The following DFFA variants were observed in gnomAD, a reference collection of about 807,000 sequenced individuals.
DFFA encodes DNA fragmentation factor subunit alpha.
Under a neutral mutation model 28.0 loss-of-function variants are expected in DFFA, and 14 were observed. The ratio of observed to expected loss-of-function variants is 0.50; its 90% confidence interval spans 0.33 to 0.78. The LOEUF (loss-of-function observed/expected upper bound fraction) is 0.78, where lower values mean the gene tolerates loss of function less well. Ranked by LOEUF, DFFA falls within the 30% of genes least tolerant of loss-of-function variation. DFFA has a pLI of 0.02. For missense variants in DFFA, 395 were observed against 407.1 expected (o/e 0.97, Z 0.26); for synonymous variants, 158 against 170.3 (o/e 0.93, Z 0.56).
At chr1:10,470,294 G>GTTTA (rs1196073481) in intron 1 of DFFA, among the ~76,000 whole-genome samples, 3 of 151,946 alleles carry the variant, frequency 2.0e-5, no homozygotes, top group South Asian at 4.2e-4. Flanking sequence ...CTGAAAGTAT[G>GTTTA]TTTACTCCAG....
rs569074978 is a variant in DFFA, at chr1:10,465,689, C to T, written c.441+1501G>A. ...TATAGGTGTGAGCCACCACGCCTGGCTTTATTTATTTATTTATTTATTTTT... is the reference window on the plus strand; with the variant it reads ...TATAGGTGTGAGCCACCACGCCTGGTTTTATTTATTTATTTATTTATTTTT... On this transcript the variant is annotated intron_variant, in intron 3 of 5. Coordinates refer to ENST00000377038, the MANE Select transcript of DFFA (RefSeq NM_004401.3). 2.0e-5 allele frequency among the ~76,000 whole-genome samples: 3 copies of T among 152,094 alleles called. No individual in the cohort carries two copies. The East Asian group carries it at 5.8e-4, about 29-fold the overall frequency.
chr1:10,470,156 G>A (rs1162864176), intron 1 of DFFA, among the ~76,000 whole-genome samples: 1 of 152,080 alleles, frequency 6.6e-6, no homozygotes, highest in Admixed American at 6.6e-5. Context: ...TAATAATCCT[G>A]TAAAGTAGGT....
At chr1:10,466,344 C>T (rs920403075) in intron 3 of DFFA, among the ~76,000 whole-genome samples, 4 of 152,032 alleles carry the variant, frequency 2.6e-5, no homozygotes, top group Non-Finnish European at 5.9e-5. Flanking sequence ...TGCACACCAC[C>T]AGGCCCGGCT....
rs766637969 is a variant in DFFA, at chr1:10,463,167, G to A, written c.674C>T (p.Thr225Met). The A allele has an allele frequency of 2.5e-5, 40 of 1,614,014 alleles. No homozygotes were observed. The highest frequency in any genetic ancestry group is 3.0e-5 in the Non-Finnish European group (35 of 1,180,034). ...CGAGGAGGTCTCTCTGCTGATACCC[G>A]TGTCTACTGCATCCACCTCCTCACC... ...AFGEEVDAVDTGISRETSSDV... is the reference protein window; with the variant it reads ...AFGEEVDAVDMGISRETSSDV... The change falls in exon 5 of 6, where the codon ACG becomes ATG. Residue 225 changes from threonine (T) to methionine (M), a missense_variant. Transcript: ENST00000377038.
At position 10,461,755 on chromosome 1, in the gene DFFA, G is replaced by A. The variant is rs1640944965; in HGVS notation, c.784-53C>T. The A allele has an allele frequency of 1.9e-6, 3 of 1,602,342 alleles. No individual in the cohort carries two copies. The Admixed American group carries it at 5.1e-5, about 27-fold the overall frequency. On this transcript the variant is annotated intron_variant, in intron 5 of 5. Coordinates refer to ENST00000377038, the MANE Select transcript of DFFA (RefSeq NM_004401.3). ...ACTGGGCCTTCTGTGCGCCTCTCCT[G>A]CTGCTCTCCTGACTCTCTTTTGGGG...
intron 4 of DFFA, 41 bp from the exon 5 acceptor site, chr1:10,463,250 C>A: frequency 1.3e-6 from 2 of 1,598,920 alleles, no homozygotes; most frequent in Non-Finnish European, 1.7e-6. Flanking sequence ...CGTGGTGTGA[C>A]CACACAGCCA....
At chr1:10,462,197 C>A (rs542430379) in intron 5 of DFFA, among the ~76,000 whole-genome samples, 9 of 152,196 alleles carry the variant, frequency 5.9e-5, no homozygotes, top group African/African-American at 1.9e-4. Flanking sequence ...ACTCTTGTCG[C>A]CCAGGCTGGA....
intron 2 of DFFA, 148 bp downstream of exon 2, chr1:10,469,029 C>T (rs1641057848): frequency 2.1e-5 from 17 of 824,782 alleles, no homozygotes; most frequent in Non-Finnish European, 2.7e-5. Context: ...GACTCAGCAC[C>T]ATGTCTGGCA....
rs181774839 is a variant in DFFA at position 10,467,242 on chromosome 1, T to G, written c.389A>C (p.Gln130Pro). The G allele has an allele frequency of 5.6e-6, 9 of 1,614,160 alleles. No homozygotes were observed. Among genetic ancestry groups the G allele is most frequent in the Admixed American group, 5.0e-5 (3 of 60,020 alleles). ...GATGCTGGACAGATCTTCTTTCAGCTGCCTGGCCACATTCTTCCACTTCAA... is the reference window on the plus strand; with the variant it reads ...GATGCTGGACAGATCTTCTTTCAGCGGCCTGGCCACATTCTTCCACTTCAA... ...AGLKWKNVAR[Q>P]LKEDLSSIIL... is the part of the protein sequence containing the mutation. The change falls in exon 3 of 6, where the codon CAG becomes CCG. Residue 130 changes from glutamine to proline, a missense_variant. Coordinates refer to ENST00000377038, the MANE Select transcript of DFFA (RefSeq NM_004401.3).
Position 10,469,172 on chromosome 1 carries a change from C to T in DFFA, c.298+5G>A, listed in dbSNP as rs1641060510. On this transcript the variant is annotated splice_donor_5th_base_variant and intron_variant, in intron 2 of 5. Transcript: ENST00000377038. ...GCCGTTTTATACATGGCTAGAGTTT[C>T]TTACCTGAATTGTTGTATGCCCATT... is the stretch of plus-strand genomic sequence containing the variant. The T allele has an allele frequency of 1.2e-6, 2 of 1,613,966 alleles. No individual in the cohort carries two copies. The highest frequency in any genetic ancestry group is 1.7e-6 in the Non-Finnish European group (2 of 1,179,908).
At chr1:10,469,998 T>A (rs1641074105) in intron 1 of DFFA, among the ~76,000 whole-genome samples, 1 of 151,944 alleles carries the variant, frequency 6.6e-6, no homozygotes, top group Non-Finnish European at 1.5e-5. Flanking sequence ...GTATTTTTAG[T>A]AGAGACGGGG....
At position 10,461,112 on chromosome 1, in the gene DFFA, A is replaced by G. The variant is rs566113039; in HGVS notation, c.*378T>C. On this transcript the variant is annotated 3_prime_UTR_variant, in exon 6 of 6. Transcript: ENST00000377038. ...TTTTTAGTAGAGACAGGGTTTCACC[A>G]TGTTAGCCAGGATGGTCTCGATCTC... 1.3e-3 allele frequency: 207 copies of G among 154,974 alleles called. No individual in the cohort carries two copies. Among genetic ancestry groups the G allele is most frequent in the Middle Eastern group, 4.5e-3 (1 of 222 alleles). 9.6% of individuals were successfully genotyped at this position (154,974 alleles called of 1,614,324 possible).
At chr1:10,467,121 C>CT in intron 3 of DFFA, 69 bp downstream of exon 3, 1 of 1,578,098 alleles carries the variant, frequency 6.3e-7, no homozygotes, top group South Asian at 1.1e-5. Context: ...AGTATGGAAG[C>CT]TAAGAAGGTG....
chr1:10,467,470 G>A (rs1330821559), intron 2 of DFFA, 138 bp from the exon 3 acceptor site: 2 of 960,084 alleles, frequency 2.1e-6, no homozygotes, highest in African/African-American at 3.2e-5. Flanking sequence ...GGATTCACAG[G>A]AGGGTCAATA....
At chr1:10,471,805 G>C (rs1450401848) in intron 1 of DFFA, among the ~76,000 whole-genome samples, 1 of 152,218 alleles carries the variant, frequency 6.6e-6, no homozygotes, top group Admixed American at 6.5e-5. Context: ...AGGCCAAGCA[G>C]CTGGTAAAGG....
At chr1:10,463,782 A>G (rs891642288) in intron 3 of DFFA, among the ~76,000 whole-genome samples, 162 bp from the exon 4 acceptor site, 4 of 151,236 alleles carry the variant, frequency 2.6e-5, no homozygotes, top group African/African-American at 9.7e-5. Flanking sequence ...TTCCTGCCTC[A>G]GCCTCCCTAG....
In DFFA at chr1:10,462,150, G is replaced by A. The variant is rs184879957; in HGVS notation, c.784-448C>T. On this transcript the variant is annotated intron_variant, in intron 5 of 5. Transcript: ENST00000377038. ...TGGGATTACAGGCGTGAGCCACCGC[G>A]CCCAGCCTGCCATGGGCTTTTTTAA... is the stretch of plus-strand genomic sequence containing the variant. Among the ~76,000 whole-genome samples the A allele has an allele frequency of 4.2e-3, 630 of 151,490 alleles. 9 individuals carry two copies. The East Asian group carries it at 0.081, about 19-fold the overall frequency.
At position 10,461,544 on chromosome 1, in the gene DFFA, G is replaced by C; in HGVS notation, c.942C>G (p.Ala314=). Reference sequence around the variant, plus strand: ...GATTCTGCAGGTCACCAGGTGGTGAGGCCTTGCTTGCTGAGATGCTCCGGA... The same window carrying C: ...GATTCTGCAGGTCACCAGGTGGTGACGCCTTGCTTGCTGAGATGCTCCGGA... ...HSLRSISASK[A]SPPGDLQNPK... The change falls in exon 6 of 6, where the codon GCC becomes GCG. Residue 314 remains alanine (A), a synonymous_variant. Transcript: ENST00000377038. The C allele has an allele frequency of 6.2e-7, 1 of 1,614,102 alleles. No individual in the cohort carries two copies. The highest frequency in any genetic ancestry group is 8.5e-7 in the Non-Finnish European group (1 of 1,180,000).
In DFFA at chr1:10,458,555, T is replaced by TTTAA. The variant is rs1553179466; in HGVS notation, c.*2934_*2935insTTAA. ...TGTGATTTTCTTTTTTTTTTTTTTT[T>TTTAA]AAAGACAGAGTCTCATTCTGTCACC... On this transcript the variant is annotated 3_prime_UTR_variant, in exon 6 of 6. Transcript: ENST00000377038. The TTTAA allele has an allele frequency of 6.7e-6, 1 of 150,162 alleles. No individual in the cohort carries two copies. Among genetic ancestry groups the TTTAA allele is most frequent in the African/African-American group, 2.5e-5 (1 of 40,550 alleles). The allele number at this position is 150,162 out of a possible 1,614,324, so 9.3% of individuals were successfully genotyped here. A position where few individuals can be genotyped will look rare whatever the true frequency, so the allele number is the denominator to read the frequency against.
Sources: allele counts gnomAD v4.1 joint callset (sites outside exome capture counted in the v4.1 genomes callset), GRCh38; gene constraint gnomAD v4.1.1; transcripts MANE v1.5; gene names NCBI Gene and HGNC (gene_info 2026-07-23, HGNC 2026-07-21).